SNAP25: variants seen among roughly 807,000 people sequenced by gnomAD.
SNAP25 encodes synaptosomal-associated protein 25.
SNAP25 carries 3 observed loss-of-function variants against 28.7 expected under a neutral mutation model. That is an observed-to-expected ratio of 0.10 (90% CI 0.05 to 0.27). SNAP25 has a LOEUF of 0.27. Ranked by LOEUF, SNAP25 falls within the 10% of genes least tolerant of loss-of-function variation. The pLI is 1.00. For synonymous variants in SNAP25, 61 were observed against 88.1 expected, an observed-to-expected ratio of 0.69 and a Z score of 1.72; for missense variants, 117 against 278.7, an observed-to-expected ratio of 0.42 and a Z score of 4.13.
chr20:10,240,293 G>T (rs1255085703), intron 1 of SNAP25, among the ~76,000 whole-genome samples: 1 of 152,150 alleles, frequency 6.6e-6, no homozygotes, highest in Non-Finnish European at 1.5e-5. Flanking sequence ...GGAAGGGCCG[G>T]TCCTTCTTTT....
chr20:10,276,756 A>T (rs6032837), intron 2 of SNAP25, among the ~76,000 whole-genome samples: 37,356 of 152,204 alleles, frequency 0.25, 4,848 homozygotes, highest in Middle Eastern at 0.33. Flanking sequence ...AGAGTATTGT[A>T]TATTTTATTA....
intron 1 of SNAP25, among the ~76,000 whole-genome samples, chr20:10,271,540 G>A (rs185718919): frequency 1.3e-5 from 2 of 152,350 alleles, no homozygotes; most frequent in East Asian, 3.9e-4. Flanking sequence ...TGAAAGTGAT[G>A]AAACCAAGGG....
chr20:10,227,198 C>A (rs765046539), intron 1 of SNAP25, among the ~76,000 whole-genome samples: 2 of 152,130 alleles, frequency 1.3e-5, no homozygotes, highest in Non-Finnish European at 2.9e-5. Flanking sequence ...AAATTCACCT[C>A]TTACCAATGA....
intron 1 of SNAP25, among the ~76,000 whole-genome samples, chr20:10,248,508 T>C (rs780063677): frequency 6.6e-6 from 1 of 152,340 alleles, no homozygotes; most frequent in Non-Finnish European, 1.5e-5. Context: ...TTTCTATCTA[T>C]ATTTAAATAT....
chr20:10,247,726 T>G (rs1198433896), intron 1 of SNAP25, among the ~76,000 whole-genome samples: 1 of 152,236 alleles, frequency 6.6e-6, no homozygotes, highest in African/African-American at 2.4e-5. Context: ...GAAATTTGAC[T>G]GCAGGGTATG....
At chr20:10,262,021 C>T (rs1175869525) in intron 1 of SNAP25, among the ~76,000 whole-genome samples, 3 of 152,162 alleles carry the variant, frequency 2.0e-5, no homozygotes, top group Non-Finnish European at 4.4e-5. Context: ...TACCATACAG[C>T]TCATGTGCCT....
chr20:10,266,065 A>G (rs362568), intron 1 of SNAP25, among the ~76,000 whole-genome samples: 2,097 of 152,260 alleles, frequency 0.014, 29 homozygotes, highest in Non-Finnish European at 0.023. Context: ...TATTATGAAG[A>G]GTGTTTTGAC....
intron 4 of SNAP25, among the ~76,000 whole-genome samples, chr20:10,289,047 G>A (rs1426797010): frequency 6.6e-6 from 1 of 152,144 alleles, no homozygotes; most frequent in Non-Finnish European, 1.5e-5. Flanking sequence ...AGCAGCACGG[G>A]AGCCTCAAGA....
intron 4 of SNAP25, among the ~76,000 whole-genome samples, chr20:10,289,081 A>G (rs2123096752): frequency 6.6e-6 from 1 of 152,300 alleles, no homozygotes; most frequent in African/African-American, 2.4e-5. Flanking sequence ...CTAAAGAACC[A>G]TCTCAACCAC....
intron 4 of SNAP25, among the ~76,000 whole-genome samples, chr20:10,291,384 G>C (rs1005593749): frequency 6.6e-6 from 1 of 151,914 alleles, no homozygotes; most frequent in African/African-American, 2.4e-5. Context: ...CTATATTTGC[G>C]GATTTTTTTT....
chr20:10,282,190 A>T (rs949819915), intron 3 of SNAP25, among the ~76,000 whole-genome samples: 3 of 148,854 alleles, frequency 2.0e-5, no homozygotes, highest in Non-Finnish European at 4.5e-5. Context: ...GAAGGAAGGA[A>T]GGAAGGAAGG....
intron 1 of SNAP25, among the ~76,000 whole-genome samples, chr20:10,273,030 G>A (rs891646930): frequency 1.3e-5 from 2 of 152,130 alleles, no homozygotes; most frequent in South Asian, 2.1e-4. Context: ...TGTTGAGAAA[G>A]CAATAGAATC....
chr20:10,260,588 A>G (rs2063393299), intron 1 of SNAP25, among the ~76,000 whole-genome samples: 1 of 152,102 alleles, frequency 6.6e-6, no homozygotes, highest in Non-Finnish European at 1.5e-5. Flanking sequence ...TCTGAGTTTT[A>G]ACAAGTGCTA....
intron 5 of SNAP25, among the ~76,000 whole-genome samples, chr20:10,295,504 T>C (rs2064089356): frequency 6.6e-6 from 1 of 152,230 alleles, no homozygotes; most frequent in South Asian, 2.1e-4. Context: ...TAATTTTGAC[T>C]GCACTAAGGC....
chr20:10,282,934 G>C (rs947207014), intron 3 of SNAP25, among the ~76,000 whole-genome samples: 42 of 152,180 alleles, frequency 2.8e-4, no homozygotes, highest in African/African-American at 9.9e-4. Flanking sequence ...TTGTAGTCTA[G>C]AATCTTGCTA....
chr20:10,278,175 G>A (rs1654348660), intron 3 of SNAP25: 1 of 152,552 alleles, frequency 6.6e-6, no homozygotes, highest in Admixed American at 6.5e-5. Context: ...GCATATAGGT[G>A]TATCATTTTT....
intron 5 of SNAP25, among the ~76,000 whole-genome samples, chr20:10,295,281 T>C (rs2064084978): frequency 6.6e-6 from 1 of 152,244 alleles, no homozygotes; most frequent in Non-Finnish European, 1.5e-5. Context: ...CAGAAACGCA[T>C]ACTTCCCACT....
intron 1 of SNAP25, among the ~76,000 whole-genome samples, chr20:10,252,620 G>C (rs909481064): frequency 1.3e-5 from 2 of 152,096 alleles, no homozygotes; most frequent in African/African-American, 2.4e-5. Flanking sequence ...TGCATTCGTT[G>C]TATGTTCTTT....
intron 1 of SNAP25, among the ~76,000 whole-genome samples, chr20:10,263,140 A>T (rs1295909536): frequency 6.9e-6 from 1 of 144,406 alleles, no homozygotes; most frequent in African/African-American, 2.6e-5. Flanking sequence ...TGCCTCAGCC[A>T]CCCGAGTAGC....
Sources: gnomAD v4.1 joint callset for allele counts (sites outside exome capture counted in the v4.1 genomes callset) on GRCh38, gnomAD v4.1.1 for gene constraint, MANE v1.5 for transcripts, NCBI Gene and HGNC (gene_info 2026-07-23, HGNC 2026-07-21) for gene names.